ECHS1: variants seen among roughly 807,000 people sequenced by gnomAD.
The protein encoded by ECHS1 is enoyl-CoA hydratase, short chain 1.
In ECHS1, 19 loss-of-function variants were observed where a neutral mutation model predicts 33.5. The observed-to-expected ratio is 0.57, with a 90% CI of 0.40 to 0.83. The LOEUF is 0.83. ECHS1 is among the 40% of genes least tolerant of loss of function. The probability of loss-of-function intolerance (pLI) is 0.00; values close to 1 mark genes in which losing one functional copy is unlikely to be tolerated. For missense variants in ECHS1, 365 were observed against 381.3 expected, an observed-to-expected ratio of 0.96 and a Z score of 0.36; for synonymous variants, 158 against 146.6, an observed-to-expected ratio of 1.08 and a Z score of -0.56.
intron 4 of ECHS1, among the ~76,000 whole-genome samples, chr10:133,368,659 G>T (rs1849064186): frequency 6.6e-6 from 1 of 152,144 alleles, no homozygotes; most frequent in Middle Eastern, 3.2e-3. Flanking sequence ...GAACTGTCAT[G>T]GTTAGAAGCC....
At chr10:133,364,313 C>T (rs747882874) in intron 7 of ECHS1, among the ~76,000 whole-genome samples, 38 of 152,040 alleles carry the variant, frequency 2.5e-4, no homozygotes, top group Non-Finnish European at 4.9e-4. Flanking sequence ...TCGAACGACC[C>T]GCCTCAGCCT....
At chr10:133,363,047 A>AG (rs34784356) in intron 7 of ECHS1, 114 bp from the exon 8 acceptor site, 1 of 1,277,664 alleles carries the variant, frequency 7.8e-7, no homozygotes, top group Non-Finnish European at 1.1e-6. Context: ...ACAGGGGCCC[A>AG]GGGGGCCGGG....
At chr10:133,368,400 G>T (rs1849059710) in intron 4 of ECHS1, among the ~76,000 whole-genome samples, 1 of 4,734 alleles carries the variant, frequency 2.1e-4, no homozygotes, top group East Asian at 0.17. Flanking sequence ...CTCCCCTCAG[G>T]GTCTCAGCTC....
chr10:133,373,138 G>A (rs1229400482), intron 1 of ECHS1, 108 bp downstream of exon 1: 6 of 889,870 alleles, frequency 6.7e-6, no homozygotes, highest in South Asian at 2.1e-5. Context: ...GGGGTCAGGT[G>A]GGGGATGCGG....
intron 1 of ECHS1, among the ~76,000 whole-genome samples, chr10:133,371,339 C>T (rs1439876574): frequency 6.6e-6 from 1 of 152,156 alleles, no homozygotes; most frequent in African/African-American, 2.4e-5. Flanking sequence ...AGCCGCTTTC[C>T]TTCTCCTAAT....
chr10:133,370,784 T>G, intron 1 of ECHS1, 27 bp from the exon 2 acceptor site: 1 of 1,596,428 alleles, frequency 6.3e-7, no homozygotes, highest in South Asian at 1.1e-5. Flanking sequence ...AAAAGGGGTA[T>G]CTATTCACAC....
In ECHS1 at chr10:133,364,638, G is replaced by C. The variant is rs1249066466; in HGVS notation, c.807+20C>G. 3 of 1,597,432 alleles carry C rather than the reference G, an allele frequency of 1.9e-6. No individual in the cohort carries two copies. Among genetic ancestry groups the C allele is most frequent in the Non-Finnish European group, 2.6e-6 (3 of 1,165,574 alleles). The stretch of plus-strand genomic sequence containing the variant: ...TGACTGGAATTTGCTTGATTCTCCG[G>C]TTGAACACTGTTTACTCACAGTGGC... On this transcript the variant is annotated intron_variant, in intron 7 of 7. Transcript: ENST00000368547.
intron 4 of ECHS1, among the ~76,000 whole-genome samples, chr10:133,367,426 G>A (rs1293123835): frequency 1.3e-5 from 2 of 151,340 alleles, no homozygotes; most frequent in African/African-American, 2.5e-5. Context: ...TATAGGGTCA[G>A]GTGCTGAAGG....
At position 133,370,717 on chromosome 10, in the gene ECHS1, C is replaced by T. The variant is rs1336561433; in HGVS notation, c.129G>A (p.Lys43=). 1.2e-6 allele frequency: 2 copies of T among 1,612,676 alleles called. No homozygotes were observed. Among genetic ancestry groups the T allele is most frequent in the Non-Finnish European group, 1.7e-6 (2 of 1,179,630 alleles). The change falls in exon 2 of 8, where the codon AAG becomes AAA. Residue 43 remains lysine, a synonymous_variant. Coordinates refer to ENST00000368547, the MANE Select transcript of ECHS1 (RefSeq NM_004092.4). Reference sequence around the variant, plus strand: ...GTTGGATCAACCCCACGGTGTTATTCTTCCCTCTTTTTTCTGCGATGATGT... The same window carrying T: ...GTTGGATCAACCCCACGGTGTTATTTTTCCCTCTTTTTTCTGCGATGATGT... ...FEYIIAEKRG[K]NNTVGLIQLN...
intron 6 of ECHS1, 72 bp downstream of exon 6, chr10:133,365,904 A>T: frequency 6.3e-7 from 1 of 1,578,604 alleles, no homozygotes; most frequent in Non-Finnish European, 8.6e-7. Flanking sequence ...TTGGAGCCAG[A>T]AAGCCTGCTG....
intron 3 of ECHS1, among the ~76,000 whole-genome samples, chr10:133,369,611 G>T (rs1404483804): frequency 6.6e-6 from 1 of 152,204 alleles, no homozygotes; most frequent in Non-Finnish European, 1.5e-5. Context: ...GAGCTTTCAA[G>T]GGGAGCAAAA....
At chr10:133,363,493 T>C (rs61403193) in intron 7 of ECHS1, among the ~76,000 whole-genome samples, 3,807 of 152,298 alleles carry the variant, frequency 0.025, 148 homozygotes, top group African/African-American at 0.086. Context: ...TGAATTAAAA[T>C]GGTAATCTGG....
chr10:133,368,066 C>T (rs144801914), intron 4 of ECHS1, among the ~76,000 whole-genome samples: 4,862 of 152,184 alleles, frequency 0.032, 231 homozygotes, highest in African/African-American at 0.11. Flanking sequence ...TTCTCTTTAT[C>T]TCTTTGTCTT....
At chr10:133,366,799 C>T (rs1331287026) in intron 5 of ECHS1, 90 bp downstream of exon 5, 5 of 1,017,104 alleles carry the variant, frequency 4.9e-6, no homozygotes, top group Non-Finnish European at 7.5e-6. Flanking sequence ...GGGGCTCCCC[C>T]GAGGGGGACA....
At position 133,368,961 on chromosome 10, in the gene ECHS1, T is replaced by C. The variant is rs375032130; in HGVS notation, c.476A>G (p.Gln159Arg). 8.6e-5 allele frequency: 139 copies of C among 1,613,738 alleles called. No homozygotes were observed. Among genetic ancestry groups the C allele is most frequent in the South Asian group, 2.6e-4 (24 of 91,076 alleles). The change falls in exon 4 of 8, where the codon CAG becomes CGG. Residue 159 changes from glutamine to arginine, a missense_variant. Physicochemically the swap from Gln to Arg is conservative, Grantham distance 43. Coordinates refer to ENST00000368547, the MANE Select transcript of ECHS1 (RefSeq NM_004092.4). Reference protein sequence around the residue: ...CDIIYAGEKAQFAQPEILIGT... With the variant: ...CDIIYAGEKARFAQPEILIGT... ...TATTAAGATCTCCGGCTGTGCAAAC[T>C]GGGCCTTCTCACCGGCATAGATGAT...
chr10:133,366,004 T>A lies in ECHS1; in HGVS notation c.711A>T (p.Val237=). 6.2e-7 allele frequency: 1 copy of A among 1,614,030 alleles called. No homozygotes were observed. The highest frequency in any genetic ancestry group is 8.5e-7 in the Non-Finnish European group (1 of 1,180,036). Residue 237 remains valine (V), a synonymous_variant, in exon 6 of 8, where the codon GTA becomes GTT. Coordinates refer to ENST00000368547, the MANE Select transcript of ECHS1 (RefSeq NM_004092.4). ...EKIASNSKIV[V]AMAKESVNAA... is the part of the protein sequence containing the mutation. Reference sequence around the variant, plus strand: ...CATTCACTGATTCTTTGGCCATCGCTACTACAATTTTAGAATTGCTGGCAA... The same window carrying A: ...CATTCACTGATTCTTTGGCCATCGCAACTACAATTTTAGAATTGCTGGCAA...
chr10:133,362,903 C>T lies in ECHS1; in HGVS notation c.838G>A (p.Val280Met). 1 of 1,614,182 alleles carries T rather than the reference C, an allele frequency of 6.2e-7. No homozygotes were observed. Among genetic ancestry groups the T allele is most frequent in the Non-Finnish European group, 8.5e-7 (1 of 1,180,040 alleles). ...TTGAAGTTGGCCTTTCTCTTTTCCA[C>T]AAACGCGGTCATCCCTTCTTTCCGG... is the stretch of plus-strand genomic sequence containing the variant. Reference protein sequence around the residue: ...DDRKEGMTAFVEKRKANFKDQ With the variant: ...DDRKEGMTAFMEKRKANFKDQ The change falls in exon 8 of 8, where the codon GTG becomes ATG. Residue 280 changes from valine (V) to methionine (M), a missense_variant. Physicochemically the swap from Val to Met is conservative, Grantham distance 21 (BLOSUM62 1). Coordinates refer to ENST00000368547, the MANE Select transcript of ECHS1 (RefSeq NM_004092.4).
At chr10:133,370,500 C>A in intron 2 of ECHS1, 60 bp downstream of exon 2, 1 of 1,437,590 alleles carries the variant, frequency 7.0e-7, no homozygotes, top group Non-Finnish European at 9.2e-7. Flanking sequence ...AGGCTTCTCC[C>A]AAGGCCATAC....
In ECHS1 at chr10:133,373,300, G is replaced by C. The variant is rs771935232; in HGVS notation, c.34C>G (p.Arg12Gly). The change falls in exon 1 of 8, where the codon CGC (arginine) becomes GGC (glycine). Residue 12 changes from arginine to glycine, a missense_variant. Transcript: ENST00000368547. The part of the protein sequence containing the change: ...AALRVLLSCV[R>G]GPLRPPVRCP... ...CGAACCGGGGGCCTCAGCGGGCCGC[G>C]GACGCAGGACAGCAGGACACGCAGG... 4.0e-6 allele frequency: 6 copies of C among 1,489,858 alleles called. No individual in the cohort carries two copies. Among genetic ancestry groups the C allele is most frequent in the Non-Finnish European group, 5.3e-6 (6 of 1,126,052 alleles). 92.3% of individuals were successfully genotyped at this position (1,489,858 alleles called of 1,614,324 possible). A position where few individuals can be genotyped will look rare whatever the true frequency, so the allele number is the denominator to read the frequency against.
Sources: gnomAD v4.1 joint callset for allele counts (sites outside exome capture counted in the v4.1 genomes callset) on GRCh38, gnomAD v4.1.1 for gene constraint, MANE v1.5 for transcripts, NCBI Gene and HGNC (gene_info 2026-07-23, HGNC 2026-07-21) for gene names.